RPS6KC1: variants seen among roughly 807,000 people sequenced by gnomAD.
The protein encoded by RPS6KC1 is ribosomal protein S6 kinase C1.
RPS6KC1 carries 54 observed loss-of-function variants against 103.8 expected under a neutral mutation model. That is an observed-to-expected ratio of 0.52 (90% confidence interval 0.42 to 0.65). RPS6KC1 has a LOEUF of 0.65. Among genes scored for constraint, RPS6KC1 ranks in the 30% least tolerant of loss-of-function variants. RPS6KC1 has a pLI of 0.00. For missense variants in RPS6KC1, 1,151 were observed against 1,253.8 expected (o/e 0.92, Z 1.24); for synonymous variants, 439 against 438.7 (o/e 1.00, Z -0.01).
At chr1:213,395,095 A>G in the RPS6KC1 span, among the ~76,000 whole-genome samples, 1 of 152,198 alleles carries the variant, frequency 6.6e-6, no homozygotes, top group African/African-American at 2.4e-5. Context: ...CCATTGGCCA[A>G]TAGCAGGTGT....
the RPS6KC1 span, among the ~76,000 whole-genome samples, chr1:213,416,913 A>G: frequency 1.3e-5 from 2 of 152,280 alleles, no homozygotes; most frequent in African/African-American, 2.4e-5. Flanking sequence ...ATGTTCTGAA[A>G]GGGTGAGCTC....
intron 5 of RPS6KC1, among the ~76,000 whole-genome samples, chr1:213,122,557 T>C (rs1262715774): frequency 6.6e-6 from 1 of 152,110 alleles, no homozygotes; most frequent in Non-Finnish European, 1.5e-5. Context: ...CATAATATAG[T>C]GTGAGATGAC....
the RPS6KC1 span, among the ~76,000 whole-genome samples, chr1:213,793,533 G>A: frequency 1.2e-4 from 19 of 152,060 alleles, no homozygotes; most frequent in South Asian, 8.3e-4. Flanking sequence ...ACCTTGGGGC[G>A]TCTAATCCAC....
At chr1:213,809,489 C>A in the RPS6KC1 span, among the ~76,000 whole-genome samples, 1 of 152,094 alleles carries the variant, frequency 6.6e-6, no homozygotes, top group African/African-American at 2.4e-5. Flanking sequence ...TTGCTTGATA[C>A]AGGGTTTTCG....
At chr1:213,428,461 CTTT>C in the RPS6KC1 span, among the ~76,000 whole-genome samples, 2 of 57,818 alleles carry the variant, frequency 3.5e-5, no homozygotes, top group East Asian at 9.0e-4. Context: ...TCCCTTCCTT[CTTT>C]CCTCCCTCCC....
chr1:213,516,142 G>A, the RPS6KC1 span, among the ~76,000 whole-genome samples: 1 of 152,036 alleles, frequency 6.6e-6, no homozygotes, highest in African/African-American at 2.4e-5. Context: ...GAGATGATGG[G>A]GTTTTCTAGA....
At chr1:213,475,104 T>G in the RPS6KC1 span, among the ~76,000 whole-genome samples, 5 of 152,212 alleles carry the variant, frequency 3.3e-5, no homozygotes, top group African/African-American at 1.2e-4. Context: ...AAGTGAGTGA[T>G]TGCGGGGCCG....
chr1:213,392,141 C>T, the RPS6KC1 span, among the ~76,000 whole-genome samples: 1 of 152,208 alleles, frequency 6.6e-6, no homozygotes, highest in African/African-American at 2.4e-5. Context: ...AAGTCCCACC[C>T]ATGATGTAGT....
the RPS6KC1 span, among the ~76,000 whole-genome samples, chr1:213,388,947 G>T: frequency 1.3e-5 from 2 of 152,360 alleles, no homozygotes; most frequent in Non-Finnish European, 2.9e-5. Flanking sequence ...TGAAGGGGAA[G>T]GGGACTGGAC....
At chr1:213,200,376 C>T (rs1467410001) in intron 8 of RPS6KC1, among the ~76,000 whole-genome samples, 1 of 152,062 alleles carries the variant, frequency 6.6e-6, no homozygotes, top group Non-Finnish European at 1.5e-5. Flanking sequence ...CAAAAACAAG[C>T]AATGGGGAAA....
intron 14 of RPS6KC1, 28 bp downstream of exon 14, chr1:213,262,844 T>G: frequency 7.5e-7 from 1 of 1,331,298 alleles, no homozygotes. Context: ...TTGGCCAGGT[T>G]TATCAACCAT....
chr1:213,238,736 A>G (rs1165305478), intron 10 of RPS6KC1, among the ~76,000 whole-genome samples: 1 of 152,126 alleles, frequency 6.6e-6, no homozygotes, highest in South Asian at 2.1e-4. Flanking sequence ...GGTCAGTGGA[A>G]CTTTATGGAT....
chr1:213,700,324 T>C, the RPS6KC1 span, among the ~76,000 whole-genome samples: 1 of 152,180 alleles, frequency 6.6e-6, no homozygotes, highest in African/African-American at 2.4e-5. Context: ...CCCTTGTGTA[T>C]GTTCTTGACA....
the RPS6KC1 span, among the ~76,000 whole-genome samples, chr1:213,638,178 G>T: frequency 6.6e-6 from 1 of 152,084 alleles, no homozygotes; most frequent in South Asian, 2.1e-4. Context: ...TCTTTTATTT[G>T]CCCTATAGGT....
the RPS6KC1 span, among the ~76,000 whole-genome samples, chr1:213,734,183 A>G: frequency 2.0e-5 from 3 of 152,224 alleles, no homozygotes; most frequent in Non-Finnish European, 4.4e-5. Flanking sequence ...CCAGATGACC[A>G]CAGCCCAGAT....
chr1:213,084,536 T>G (rs2080206503), intron 3 of RPS6KC1, among the ~76,000 whole-genome samples: 1 of 152,226 alleles, frequency 6.6e-6, no homozygotes, highest in African/African-American at 2.4e-5. Flanking sequence ...TTGTATTACA[T>G]CAATGGAGTT....
the RPS6KC1 span, among the ~76,000 whole-genome samples, chr1:213,305,693 A>G: frequency 1.3e-5 from 2 of 152,284 alleles, no homozygotes; most frequent in African/African-American, 4.8e-5. Context: ...CAGTGTTTCT[A>G]GTGTCTAAGG....
At chr1:213,476,585 G>T in the RPS6KC1 span, among the ~76,000 whole-genome samples, 2 of 152,280 alleles carry the variant, frequency 1.3e-5, no homozygotes, top group East Asian at 3.9e-4. Context: ...TTTCACCCAT[G>T]CCATAGAAAC....
intron 5 of RPS6KC1, among the ~76,000 whole-genome samples, chr1:213,125,297 C>A (rs2084848649): frequency 1.3e-5 from 2 of 151,984 alleles, no homozygotes; most frequent in African/African-American, 2.4e-5. Context: ...TAATATAAGA[C>A]ACTTTAGCAT....
Sources: allele counts gnomAD v4.1 joint callset (sites outside exome capture counted in the v4.1 genomes callset), GRCh38; gene constraint gnomAD v4.1.1; transcripts MANE v1.5; gene names NCBI Gene and HGNC (gene_info 2026-07-23, HGNC 2026-07-21).